CDH13: variants seen among roughly 807,000 people sequenced by gnomAD.
CDH13 encodes cadherin 13.
In CDH13, 24 loss-of-function variants were observed where a neutral mutation model predicts 63.8. The observed-to-expected ratio is 0.38, with a 90% CI of 0.27 to 0.53. CDH13 has a LOEUF of 0.53. Among genes scored for constraint, CDH13 ranks in the 20% least tolerant of loss-of-function variants. CDH13 has a pLI of 0.85. For synonymous variants in CDH13, 503 were observed against 355.3 expected, an observed-to-expected ratio of 1.42 and a Z score of -4.67; for missense variants, 1,049 against 903.1, an observed-to-expected ratio of 1.16 and a Z score of -2.07.
At chr16:83,329,459 A>G (rs567666819) in intron 5 of CDH13, among the ~76,000 whole-genome samples, 1 of 150,732 alleles carries the variant, frequency 6.6e-6, no homozygotes, top group South Asian at 2.1e-4. Flanking sequence ...CTGGTCTCGA[A>G]CTCCTGACCT....
At chr16:83,550,015 C>T (rs1228782033) in intron 7 of CDH13, among the ~76,000 whole-genome samples, 8 of 152,156 alleles carry the variant, frequency 5.3e-5, no homozygotes, top group Non-Finnish European at 5.9e-5. Context: ...GCTGACCAAG[C>T]CAAAAACACT....
At chr16:83,428,848 C>T (rs2071999541) in intron 6 of CDH13, among the ~76,000 whole-genome samples, 2 of 152,224 alleles carry the variant, frequency 1.3e-5, no homozygotes, top group African/African-American at 4.8e-5. Flanking sequence ...ATCTCCCCAT[C>T]TTCCAGTGCA....
At chr16:83,121,455 T>C (rs1427793981) in intron 3 of CDH13, among the ~76,000 whole-genome samples, 1 of 152,252 alleles carries the variant, frequency 6.6e-6, no homozygotes, top group Non-Finnish European at 1.5e-5. Flanking sequence ...TTGAGGGGGC[T>C]CATGCCAAGT....
chr16:82,735,066 T>C (rs996194691), intron 1 of CDH13, among the ~76,000 whole-genome samples: 1 of 152,190 alleles, frequency 6.6e-6, no homozygotes, highest in Non-Finnish European at 1.5e-5. Context: ...GTTGGCAGAC[T>C]CTCTCTTTTG....
chr16:83,357,618 G>C (rs972278091), intron 6 of CDH13, among the ~76,000 whole-genome samples: 3 of 152,156 alleles, frequency 2.0e-5, no homozygotes, highest in African/African-American at 7.2e-5. Flanking sequence ...TGGGGAAGAA[G>C]AGGGTACAAC....
chr16:82,701,787 C>T (rs751651273), intron 1 of CDH13, among the ~76,000 whole-genome samples: 14 of 152,198 alleles, frequency 9.2e-5, no homozygotes, highest in East Asian at 1.9e-4. Context: ...TAACATGTCA[C>T]GTGCCCATCC....
intron 10 of CDH13, among the ~76,000 whole-genome samples, chr16:83,736,753 C>G (rs1046280568): frequency 6.6e-6 from 1 of 152,200 alleles, no homozygotes; most frequent in Non-Finnish European, 1.5e-5. Context: ...AGAGCCCGGC[C>G]ACAGCAAAAT....
rs186332759 is a variant in CDH13, at chr16:82,996,570, T to C, written c.158-35440T>C. Among the ~76,000 whole-genome samples, 10 of 152,346 alleles carry C rather than the reference T, an allele frequency of 6.6e-5. No individual in the cohort carries two copies. The East Asian group carries it at 1.7e-3, about 26-fold the overall frequency. ...ACATTGAAATCAGCAAAAACATTAA[T>C]GATAGCAACAACAAAAACGACCTTG... is the stretch of plus-strand genomic sequence containing the variant. On this transcript the variant is annotated intron_variant, in intron 2 of 13. Transcript: ENST00000567109.
intron 5 of CDH13, among the ~76,000 whole-genome samples, chr16:83,285,534 C>G (rs1044549942): frequency 2.0e-5 from 3 of 151,896 alleles, no homozygotes; most frequent in African/African-American, 4.8e-5. Flanking sequence ...AAAAATAACA[C>G]CATAACCATA....
intron 1 of CDH13, among the ~76,000 whole-genome samples, chr16:82,666,026 G>A (rs1912542153): frequency 1.3e-5 from 2 of 152,124 alleles, no homozygotes; most frequent in African/African-American, 2.4e-5. Context: ...CTAAGTCAGG[G>A]AATATCTGTG....
At chr16:83,573,392 C>T (rs960898027) in intron 7 of CDH13, among the ~76,000 whole-genome samples, 1 of 152,204 alleles carries the variant, frequency 6.6e-6, no homozygotes, top group African/African-American at 2.4e-5. Context: ...ACCGGAATGA[C>T]AGTCTGTCAG....
chr16:82,862,420 T>C (rs192700182), intron 2 of CDH13, among the ~76,000 whole-genome samples: 64 of 152,236 alleles, frequency 4.2e-4, no homozygotes, highest in Admixed American at 2.3e-3. Flanking sequence ...TTCCAGCAAA[T>C]GGAAAAATGT....
intron 5 of CDH13, among the ~76,000 whole-genome samples, chr16:83,228,718 A>G (rs541675563): frequency 2.7e-4 from 41 of 152,330 alleles, no homozygotes; most frequent in Admixed American, 6.5e-4. Flanking sequence ...GGGTGGGGCC[A>G]TGGCAGGGCT....
rs761836771 is a variant in CDH13, at chr16:83,032,040, A to G, written c.188A>G (p.Lys63Arg). 11 of 1,603,482 alleles carry G rather than the reference A, an allele frequency of 6.9e-6. No homozygotes were observed. The highest frequency in any genetic ancestry group is 9.4e-6 in the Non-Finnish European group (11 of 1,175,146). Reference protein sequence around the residue: ...LTFSDCKGNDKLRYEVSSPYF... With the variant: ...LTFSDCKGNDRLRYEVSSPYF... The stretch of plus-strand genomic sequence containing the variant: ...TTCAGTGACTGTAAGGGAAACGACA[A>G]GCTACGCTATGAGGTCTCGAGCCCA... Residue 63 changes from lysine (K) to arginine (R), a missense_variant, in exon 3 of 14, where the codon AAG becomes AGG. Physicochemically the swap from Lys to Arg is conservative, Grantham distance 26. Coordinates refer to ENST00000567109, the MANE Select transcript of CDH13 (RefSeq NM_001257.5).
At chr16:83,069,194 A>G (rs962247589) in intron 3 of CDH13, among the ~76,000 whole-genome samples, 13 of 152,206 alleles carry the variant, frequency 8.5e-5, no homozygotes, top group Admixed American at 2.0e-4. Flanking sequence ...TTTCCAATAA[A>G]GGAGTAATCA....
intron 1 of CDH13, among the ~76,000 whole-genome samples, chr16:82,805,349 T>C (rs2037088647): frequency 6.6e-6 from 1 of 152,206 alleles, no homozygotes; most frequent in African/African-American, 2.4e-5. Context: ...TTTCTTCTCA[T>C]TTGATGATTA....
chr16:83,677,015 G>T lies in CDH13; in HGVS notation c.1285-1193G>T, dbSNP rs140281804. On this transcript the variant is annotated intron_variant, in intron 9 of 13. Transcript: ENST00000567109. ...CAAATCTCTTGACTTATTTAGTCTT[G>T]TCCTTCTTGCAAGAATACCCATTAC... Among the ~76,000 whole-genome samples the T allele has an allele frequency of 9.0e-4, 137 of 152,184 alleles. 1 individual carries two copies. Among genetic ancestry groups the T allele is most frequent in the South Asian group, 6.2e-3 (30 of 4,808 alleles).
chr16:82,678,554 G>C (rs918135766), intron 1 of CDH13, among the ~76,000 whole-genome samples: 1 of 152,106 alleles, frequency 6.6e-6, no homozygotes, highest in African/African-American at 2.4e-5. Flanking sequence ...AGCCTTCTCC[G>C]GATGAGGAAG....
chr16:83,428,939 T>C (rs2072002519), intron 6 of CDH13, among the ~76,000 whole-genome samples: 1 of 152,232 alleles, frequency 6.6e-6, no homozygotes, highest in Admixed American at 6.5e-5. Context: ...AATAACCAAC[T>C]CTAGGGGTTT....
Sources: gnomAD v4.1 joint callset for allele counts (sites outside exome capture counted in the v4.1 genomes callset) on GRCh38, gnomAD v4.1.1 for gene constraint, MANE v1.5 for transcripts, NCBI Gene and HGNC (gene_info 2026-07-23, HGNC 2026-07-21) for gene names.